Variants in NPAS3 observed in about 807,000 individuals in gnomAD.
NPAS3 encodes the protein neuronal PAS domain protein 3, also known as neuronal PAS domain-containing protein 3.
Under a neutral mutation model 73.1 loss-of-function variants are expected in NPAS3, and 14 were observed. The ratio of observed to expected loss-of-function variants is 0.19; its 90% CI spans 0.13 to 0.30. The LOEUF is 0.30. Among genes scored for constraint, NPAS3 ranks in the 10% least tolerant of loss-of-function variants. The pLI is 1.00. For synonymous variants in NPAS3, 620 were observed against 541.5 expected (o/e 1.14, Z -2.01); for missense variants, 1,096 against 1,250.0 (o/e 0.88, Z 1.86).
rs1238743254 is a variant in NPAS3, at chr14:33,251,499, T to C, written c.385+36073T>C. ...CTTTCTGTGGCTGGAGCCCAGTGAA[T>C]GAAAAGGCAATTCCTCTGAAATCAT... On this transcript the variant is annotated intron_variant, in intron 3 of 11. Coordinates refer to ENST00000356141, the Ensembl canonical transcript of NPAS3. Among the ~76,000 whole-genome samples the C allele has an allele frequency of 2.0e-5, 3 of 152,112 alleles. No homozygotes were observed. In the East Asian group the frequency reaches 5.8e-4, roughly 29 times the overall value.
chr14:33,237,086 C>T (rs941783720), intron 3 of NPAS3, among the ~76,000 whole-genome samples: 2 of 152,028 alleles, frequency 1.3e-5, no homozygotes, highest in African/African-American at 4.8e-5. Flanking sequence ...GCTATGGTTG[C>T]CTTTTTGAAG....
At chr14:33,758,080 T>TTCAGAA (rs1566506807) in intron 7 of NPAS3, among the ~76,000 whole-genome samples, 1 of 152,212 alleles carries the variant, frequency 6.6e-6, no homozygotes, top group African/African-American at 2.4e-5. Context: ...TAATCCTTTC[T>TTCAGAA]TCAGAATTCT....
chr14:33,403,730 G>T (rs1451866474), intron 4 of NPAS3, among the ~76,000 whole-genome samples: 1 of 151,988 alleles, frequency 6.6e-6, no homozygotes, highest in Non-Finnish European at 1.5e-5. Flanking sequence ...AGTATTAACT[G>T]CAGGACATAC....
chr14:33,629,627 A>G (rs532463104), intron 5 of NPAS3, among the ~76,000 whole-genome samples: 46 of 151,504 alleles, frequency 3.0e-4, no homozygotes, highest in African/African-American at 1.1e-3. Context: ...CATTTTCTCC[A>G]GAGGAAAGAG....
intron 3 of NPAS3, among the ~76,000 whole-genome samples, chr14:33,257,418 C>T (rs140129223): frequency 6.6e-6 from 1 of 152,164 alleles, no homozygotes; most frequent in East Asian, 1.9e-4. Flanking sequence ...CTGGACTTAC[C>T]CTACCATAGC....
intron 3 of NPAS3, among the ~76,000 whole-genome samples, chr14:33,315,576 A>G (rs1319719271): frequency 6.6e-6 from 1 of 151,478 alleles, no homozygotes; most frequent in Admixed American, 6.6e-5. Flanking sequence ...GAAATAAGTA[A>G]CCTCCATTTA....
chr14:33,704,472 T>C (rs1010038247), intron 6 of NPAS3, among the ~76,000 whole-genome samples: 7 of 152,234 alleles, frequency 4.6e-5, no homozygotes, highest in Admixed American at 3.9e-4. Context: ...CAATTGATTG[T>C]GTAGAAAAAT....
At chr14:33,424,833 GC>G (rs2048492003) in intron 4 of NPAS3, among the ~76,000 whole-genome samples, 1 of 151,854 alleles carries the variant, frequency 6.6e-6, no homozygotes, top group African/African-American at 2.4e-5. Flanking sequence ...GAGGCCTGGA[GC>G]CCACAGGGGG....
intron 2 of NPAS3, among the ~76,000 whole-genome samples, chr14:33,060,957 T>C (rs1386382916): frequency 6.6e-6 from 1 of 152,214 alleles, no homozygotes; most frequent in Non-Finnish European, 1.5e-5. Context: ...GTGTTAAGGC[T>C]GGCCTTGGCC....
Position 33,794,944 on chromosome 14 carries a change from C to T in NPAS3, c.1301+900C>T, listed in dbSNP as rs144328938. On this transcript the variant is annotated intron_variant, in intron 10 of 11. Coordinates refer to ENST00000356141, the Ensembl canonical transcript of NPAS3. ...CTGGCCTAAAGCCACCAAGCAGAGC[C>T]CACACGTGGTCTGAGTAGGAAAATT... Among the ~76,000 whole-genome samples the T allele has an allele frequency of 5.9e-5, 9 of 152,248 alleles. No individual in the cohort carries two copies. The East Asian group carries it at 1.5e-3, about 26-fold the overall frequency.
chr14:33,080,031 C>T (rs757136991), intron 2 of NPAS3, among the ~76,000 whole-genome samples: 1 of 152,154 alleles, frequency 6.6e-6, no homozygotes, highest in South Asian at 2.1e-4. Context: ...AAGAAAGTTA[C>T]ATATAGTGTT....
intron 2 of NPAS3, among the ~76,000 whole-genome samples, chr14:33,130,745 T>G (rs140433724): frequency 6.6e-6 from 1 of 152,324 alleles, no homozygotes; most frequent in East Asian, 1.9e-4. Context: ...GCTTATATTG[T>G]ATTTTTATTC....
At chr14:33,070,201 A>C (rs1035495590) in intron 2 of NPAS3, among the ~76,000 whole-genome samples, 10 of 152,160 alleles carry the variant, frequency 6.6e-5, no homozygotes, top group Admixed American at 5.2e-4. Context: ...AAATACAGGA[A>C]ATTACTCCTC....
intron 2 of NPAS3, among the ~76,000 whole-genome samples, chr14:33,084,282 T>C (rs2138746291): frequency 6.6e-6 from 1 of 152,320 alleles, no homozygotes; most frequent in South Asian, 2.1e-4. Context: ...TATGAGATAA[T>C]CTCAGCATTT....
chr14:32,986,090 G>A (rs1566433927), intron 1 of NPAS3, among the ~76,000 whole-genome samples: 1 of 152,150 alleles, frequency 6.6e-6, no homozygotes, highest in African/African-American at 2.4e-5. Context: ...CTCTTGAACC[G>A]TCTGTGTGCA....
chr14:33,794,095 T>C (rs769612768), intron 10 of NPAS3, 51 bp downstream of exon 10: 5 of 1,515,700 alleles, frequency 3.3e-6, no homozygotes, highest in South Asian at 1.1e-5. Flanking sequence ...AAATATGCCA[T>C]ATAAAATATG....
At chr14:33,138,485 T>A (rs1376648616) in intron 2 of NPAS3, among the ~76,000 whole-genome samples, 1 of 152,186 alleles carries the variant, frequency 6.6e-6, no homozygotes, top group Admixed American at 6.5e-5. Flanking sequence ...TTGAAAAGAT[T>A]CATTGGTTCA....
chr14:33,657,793 A>G (rs1264313328), intron 5 of NPAS3, among the ~76,000 whole-genome samples: 1 of 151,860 alleles, frequency 6.6e-6, no homozygotes, highest in Non-Finnish European at 1.5e-5. Flanking sequence ...ATTATGTAAA[A>G]AAAAAAAAGA....
At chr14:33,646,071 G>A (rs555976869) in intron 5 of NPAS3, among the ~76,000 whole-genome samples, 12 of 152,304 alleles carry the variant, frequency 7.9e-5, no homozygotes, top group African/African-American at 2.9e-4. Flanking sequence ...GCATCTAACA[G>A]GAAAAGTTAA....
Sources: allele counts gnomAD v4.1 joint callset (sites outside exome capture counted in the v4.1 genomes callset), GRCh38; gene constraint gnomAD v4.1.1; transcripts MANE v1.5; gene names NCBI Gene and HGNC (gene_info 2026-07-23, HGNC 2026-07-21).